Variants in MGARP observed in about 807,000 individuals in gnomAD.
MGARP encodes the protein protein MGARP.
MGARP carries 12 observed loss-of-function variants against 11.0 expected under a neutral mutation model. That is an observed-to-expected ratio of 1.09 (90% CI 0.70 to 1.77). MGARP has a LOEUF of 1.77. Among genes scored for constraint, MGARP ranks in the 40% most tolerant of loss-of-function variants. The pLI is 0.00. For synonymous variants in MGARP, 110 were observed against 115.4 expected (o/e 0.95, Z 0.30); for missense variants, 283 against 297.8 (o/e 0.95, Z 0.36).
Position 139,266,756 on chromosome 4 carries a change from G to A in MGARP, c.566C>T (p.Thr189Ile), listed in dbSNP as rs77545008. Reference sequence around the variant, plus strand: ...TGTTGTATCTTTATCATTATCGATGGTGACAGCTTCATCCAGGGCAGCATT... The same window carrying A: ...TGTTGTATCTTTATCATTATCGATGATGACAGCTTCATCCAGGGCAGCATT... ...VTNAALDEAV[T>I]IDNDKDTTKN... is the part of the protein sequence containing the mutation. Residue 189 changes from threonine to isoleucine, a missense_variant, in exon 4 of 4, where the codon ACC becomes ATC. Thr to Ile is a moderately conservative substitution (Grantham distance 89). Coordinates refer to ENST00000398955, the MANE Select transcript of MGARP (RefSeq NM_032623.4). The A allele has an allele frequency of 2.4e-5, 39 of 1,614,126 alleles. No individual in the cohort carries two copies. The highest frequency in any genetic ancestry group is 3.2e-5 in the Non-Finnish European group (38 of 1,180,030).
Position 139,275,361 on chromosome 4 carries a change from G to C in MGARP, c.114C>G (p.Phe38Leu). The change falls in exon 2 of 4, where the codon TTC becomes TTG. Residue 38 changes from phenylalanine (F) to leucine (L), a missense_variant. Coordinates refer to ENST00000398955, the MANE Select transcript of MGARP (RefSeq NM_032623.4). ...TCATATTTGATCCAGATGATCCAGG[G>C]AATCTGTTAGATGACATCCGGCGCA... is the stretch of plus-strand genomic sequence containing the variant. ...ASLRRMSSNR[F>L]PGSSGSNMIY... 5 of 1,613,884 alleles carry C rather than the reference G, an allele frequency of 3.1e-6. No individual in the cohort carries two copies. In the South Asian group the frequency reaches 5.5e-5, roughly 18 times the overall value.
At chr4:139,271,285 G>A (rs1404017675) in intron 2 of MGARP, among the ~76,000 whole-genome samples, 1 of 152,122 alleles carries the variant, frequency 6.6e-6, no homozygotes, top group Non-Finnish European at 1.5e-5. Flanking sequence ...CAGCACTTTG[G>A]GAGGCCGAGG....
chr4:139,273,425 G>C (rs11736087), intron 2 of MGARP, among the ~76,000 whole-genome samples: 40 of 151,108 alleles, frequency 2.6e-4, no homozygotes, highest in Non-Finnish European at 4.4e-5. Flanking sequence ...GTCTCACTGT[G>C]TTCCCCAGAC....
intron 2 of MGARP, among the ~76,000 whole-genome samples, chr4:139,271,590 G>T (rs866332804): frequency 2.6e-4 from 40 of 152,306 alleles, no homozygotes; most frequent in African/African-American, 9.1e-4. Flanking sequence ...CGAGGATTTT[G>T]ATTGCAAATG....
chr4:139,270,607 TG>T (rs1744765191), intron 2 of MGARP, among the ~76,000 whole-genome samples: 2 of 66,900 alleles, frequency 3.0e-5, no homozygotes, highest in African/African-American at 1.8e-4. Flanking sequence ...AGACCGCGTC[TG>T]AAAAAAAAAA....
intron 1 of MGARP, among the ~76,000 whole-genome samples, chr4:139,278,664 C>T (rs979714937): frequency 6.6e-6 from 1 of 152,098 alleles, no homozygotes; most frequent in Non-Finnish European, 1.5e-5. Flanking sequence ...CGAAAGGCCA[C>T]GGTCAGAGGA....
intron 1 of MGARP, among the ~76,000 whole-genome samples, chr4:139,275,717 A>T (rs1455078287): frequency 6.6e-6 from 1 of 152,214 alleles, no homozygotes; most frequent in African/African-American, 2.4e-5. Context: ...TTAGCAAGAG[A>T]AAGCCATGTA....
chr4:139,268,233 G>A (rs1411567626), intron 3 of MGARP, among the ~76,000 whole-genome samples: 1 of 152,134 alleles, frequency 6.6e-6, no homozygotes, highest in Non-Finnish European at 1.5e-5. Context: ...ATCAACTGAA[G>A]GACTCATTAT....
rs368593415 is a variant in MGARP at position 139,266,589 on chromosome 4, C to T, written c.*10G>A. 1 of 1,606,586 alleles carries T rather than the reference C, an allele frequency of 6.2e-7. No homozygotes were observed. The highest frequency in any genetic ancestry group is 8.5e-7 in the Non-Finnish European group (1 of 1,176,366). The stretch of plus-strand genomic sequence containing the variant: ...TGGCATTTGTTGCTGAAATGTCTAC[C>T]GGCTGGAGATTAGCCTTGAGCCGAA... On this transcript the variant is annotated 3_prime_UTR_variant, in exon 4 of 4. Transcript: ENST00000398955.
intron 1 of MGARP, among the ~76,000 whole-genome samples, chr4:139,278,963 T>C (rs796800804): frequency 4.6e-5 from 7 of 151,916 alleles, no homozygotes; most frequent in African/African-American, 1.4e-4. Context: ...CTAATCAACG[T>C]GAAAAAAAAA....
chr4:139,275,259 C>A (rs7440964), intron 2 of MGARP, 30 bp downstream of exon 2: 4 of 1,566,848 alleles, frequency 2.6e-6, no homozygotes, highest in Non-Finnish European at 2.6e-6. Context: ...TACATGAATT[C>A]TTGAGCACTG....
At chr4:139,269,630 C>CAA (rs56142345) in intron 2 of MGARP, among the ~76,000 whole-genome samples, 2,525 of 81,544 alleles carry the variant, frequency 0.031, 96 homozygotes, top group African/African-American at 0.086. Context: ...GACTCCATCT[C>CAA]AAAAAAAAAA....
chr4:139,275,272 GTT>G lies in MGARP; in HGVS notation c.186+15_186+16del. 1 of 1,586,398 alleles carries G rather than the reference GTT, an allele frequency of 6.3e-7. No homozygotes were observed. Among genetic ancestry groups the G allele is most frequent in the Non-Finnish European group, 8.7e-7 (1 of 1,155,978 alleles). Reference sequence around the variant, plus strand: ...AATACATGAATTCTTGAGCACTGTGGTTATATAATCACTTACATAATATCCAC... The same window carrying G: ...AATACATGAATTCTTGAGCACTGTGGATATAATCACTTACATAATATCCAC... On this transcript the variant is annotated intron_variant, in intron 2 of 3. Transcript: ENST00000398955.
rs772377556 is a variant in MGARP, at chr4:139,266,842, G to A, written c.480C>T (p.Val160=). ...TGGTTTCCCTCGCCGCTGCATCTGT[G>A]ACCTCTGGCCCGGTTTCAGCACTGA... ...TAVSAETGPE[V]TDAAARETTE... Residue 160 remains valine, a synonymous_variant, in exon 4 of 4, where the codon GTC becomes GTT. Coordinates refer to ENST00000398955, the MANE Select transcript of MGARP (RefSeq NM_032623.4). The A allele has an allele frequency of 1.2e-6, 2 of 1,614,044 alleles. No homozygotes were observed. The highest frequency in any genetic ancestry group is 1.7e-5 in the Admixed American group (1 of 59,982).
At position 139,266,645 on chromosome 4, in the gene MGARP, T is replaced by C. The variant is rs1744702143; in HGVS notation, c.677A>G (p.Gln226Arg). 3.7e-6 allele frequency: 6 copies of C among 1,614,140 alleles called. No homozygotes were observed. Among genetic ancestry groups the C allele is most frequent in the Non-Finnish European group, 5.1e-6 (6 of 1,180,014 alleles). ...ESESSAGDDL[Q>R]EEASVGSEAA... Reference sequence around the variant, plus strand: ...CTCAGAGCCAACACTGGCTTCCTCCTGTAAATCATCTCCAGCAGAGGACTC... The same window carrying C: ...CTCAGAGCCAACACTGGCTTCCTCCCGTAAATCATCTCCAGCAGAGGACTC... Residue 226 changes from glutamine to arginine, a missense_variant, in exon 4 of 4, where the codon CAG becomes CGG. Physicochemically the swap from Gln to Arg is conservative, Grantham distance 43. Coordinates refer to ENST00000398955, the MANE Select transcript of MGARP (RefSeq NM_032623.4).
At chr4:139,279,941 C>A in intron 1 of MGARP, 136 bp downstream of exon 1, 2 of 883,834 alleles carry the variant, frequency 2.3e-6, no homozygotes, top group Non-Finnish European at 3.5e-6. Flanking sequence ...CTCCCCCAGT[C>A]TCCTCGACCT....
chr4:139,268,171 A>T (rs1250682566), intron 3 of MGARP, among the ~76,000 whole-genome samples: 4 of 151,056 alleles, frequency 2.6e-5, no homozygotes, highest in Non-Finnish European at 4.4e-5. Context: ...GAAGTGTAGG[A>T]AGGAAGGAAA....
At chr4:139,278,655 G>C (rs533878438) in intron 1 of MGARP, among the ~76,000 whole-genome samples, 194 of 152,252 alleles carry the variant, frequency 1.3e-3, no homozygotes, top group African/African-American at 4.4e-3. Context: ...CAGATAAAAC[G>C]AAAGGCCACG....
chr4:139,268,726 CTG>C lies in MGARP; in HGVS notation c.224_225del (p.Thr75ArgfsTer3). ...TTTTCTTTCAAATTTGTTTTATGTT[CTG>C]TGTGTTTGGCTTGGTCTGATGTGAC... is the stretch of plus-strand genomic sequence containing the variant. Reference protein sequence around the residue: ...KTVTSDQAKHTEHKTNLKEKT... With the variant: ...KTVTSDQAKHXEHKTNLKEKT... On this transcript the variant is annotated frameshift_variant, in exon 3 of 4. Coordinates refer to ENST00000398955, the MANE Select transcript of MGARP (RefSeq NM_032623.4). LOFTEE classifies it high-confidence loss of function. 1 of 1,612,236 alleles carries C rather than the reference CTG, an allele frequency of 6.2e-7. No homozygotes were observed. Among genetic ancestry groups the C allele is most frequent in the Non-Finnish European group, 8.5e-7 (1 of 1,179,320 alleles).
Sources: gnomAD v4.1 joint callset for allele counts (sites outside exome capture counted in the v4.1 genomes callset) on GRCh38, gnomAD v4.1.1 for gene constraint, MANE v1.5 for transcripts, NCBI Gene and HGNC (gene_info 2026-07-23, HGNC 2026-07-21) for gene names.